Variants in ZNF107 observed in about 807,000 individuals in gnomAD.
ZNF107 encodes the protein C2H2 type zinc-finger protein.
ZNF107 carries 19 observed loss-of-function variants against 12.3 expected under a neutral mutation model. The observed-to-expected ratio is 1.55, with a 90% confidence interval of 1.08 to 2.27. The LOEUF (loss-of-function observed/expected upper bound fraction) is 2.27, where lower values mean the gene tolerates loss of function less well. Among genes scored for constraint, ZNF107 ranks in the 30% most tolerant of loss-of-function variants. The pLI, the probability that ZNF107 is intolerant of heterozygous loss-of-function variation, is 0.00. For synonymous variants in ZNF107, 317 were observed against 330.5 expected, an observed-to-expected ratio of 0.96 and a Z score of 0.44; for missense variants, 958 against 979.9, an observed-to-expected ratio of 0.98 and a Z score of 0.30.
chr7:64,708,675 T>C lies in ZNF107; in HGVS notation c.*19T>C. On this transcript the variant is annotated 3_prime_UTR_variant, in exon 4 of 4. Coordinates refer to ENST00000620827, the MANE Select transcript of ZNF107 (RefSeq NM_001282359.2). The stretch of plus-strand genomic sequence containing the variant: ...AACTTAATTGATCCTACAAGCTTAC[T>C]ACACATAGGAAAATTCATACTGGAG... 7 of 1,576,658 alleles carry C rather than the reference T, an allele frequency of 4.4e-6. No homozygotes were observed. The highest frequency in any genetic ancestry group is 6.0e-6 in the Non-Finnish European group (7 of 1,160,348).
At position 64,691,178 on chromosome 7, in the gene ZNF107, T is replaced by C. The variant is rs1304594935; in HGVS notation, c.4-70T>C. ...TGAACCACAGTACCCGACTATCCTA[T>C]ACATTTTTTTAAAAATTCAATGACA... On this transcript the variant is annotated intron_variant, in intron 1 of 3. Transcript: ENST00000620827. The C allele has an allele frequency of 3.1e-6, 4 of 1,306,992 alleles. No homozygotes were observed. The African/African-American group carries it at 6.2e-5, about 20-fold the overall frequency. The allele number at this position is 1,306,992 out of a possible 1,614,324, so 81.0% of individuals were successfully genotyped here. A position where few individuals can be genotyped will look rare whatever the true frequency, so the allele number is the denominator to read the frequency against.
intron 1 of ZNF107, chr7:64,669,159 G>C (rs993761663): frequency 5.3e-5 from 8 of 151,754 alleles, no homozygotes; most frequent in African/African-American, 1.7e-4. Context: ...GGGATTACAG[G>C]CATGCACCAC....
chr7:64,691,167 C>T (rs1255366914), intron 1 of ZNF107, 81 bp from the exon 2 acceptor site: 14 of 1,236,608 alleles, frequency 1.1e-5, no homozygotes, highest in South Asian at 1.1e-4. Context: ...CCACAGTACC[C>T]GACTATCCTA....
chr7:64,688,915 T>G (rs1790019865), intron 1 of ZNF107, among the ~76,000 whole-genome samples: 1 of 152,174 alleles, frequency 6.6e-6, no homozygotes, highest in Non-Finnish European at 1.5e-5. Context: ...TATTTTTTTG[T>G]AAACAAATGA....
intron 1 of ZNF107, chr7:64,684,762 C>T (rs1789832589): frequency 1.0e-6 from 1 of 976,750 alleles, no homozygotes; most frequent in Non-Finnish European, 1.2e-6. Flanking sequence ...ATAACTTCTT[C>T]CCAGATGAGA....
At chr7:64,690,551 T>A (rs1790081487) in intron 1 of ZNF107, 2 of 980,304 alleles carry the variant, frequency 2.0e-6, no homozygotes, top group African/African-American at 1.8e-5. Flanking sequence ...TCCTAATTTT[T>A]AAAATTTTTT....
In ZNF107 at chr7:64,707,453, C is replaced by T; in HGVS notation, c.1356C>T (p.Ser452=). 5 of 1,612,984 alleles carry T rather than the reference C, an allele frequency of 3.1e-6. No individual in the cohort carries two copies. The highest frequency in any genetic ancestry group is 4.2e-6 in the Non-Finnish European group (5 of 1,179,554). The change falls in exon 4 of 4, where the codon TCC becomes TCT. Residue 452 remains serine (S), a synonymous_variant. Coordinates refer to ENST00000620827, the MANE Select transcript of ZNF107 (RefSeq NM_001282359.2). Reference sequence around the variant, plus strand: ...AGAAAATTCATACTGCAGAGAAATCCTATAAATGTGAAGAATGTGGCAAAG... The same window carrying T: ...AGAAAATTCATACTGCAGAGAAATCTTATAAATGTGAAGAATGTGGCAAAG... ...EHKKIHTAEK[S]YKCEECGKAF...
chr7:64,673,601 T>G (rs1281789124), intron 1 of ZNF107, among the ~76,000 whole-genome samples: 1 of 152,240 alleles, frequency 6.6e-6, no homozygotes, highest in East Asian at 1.9e-4. Flanking sequence ...AGTTTTAGCT[T>G]TTGTTGCATT....
rs150223549 is a variant in ZNF107 at position 64,708,431 on chromosome 7, A to C, written c.2334A>C (p.Thr778=). ...TTAACCAATCCTCAAACCTTACTAC[A>C]CATAAGAAAATTCATACTTCAGAGA... The part of the protein sequence containing the change: ...KAFNQSSNLT[T]HKKIHTSEKP... Residue 778 remains threonine, a synonymous_variant, in exon 4 of 4, where the codon ACA becomes ACC. Transcript: ENST00000620827. 3.3e-4 allele frequency: 528 copies of C among 1,605,230 alleles called. 2 individuals carry two copies. The African/African-American group carries it at 6.1e-3, about 18-fold the overall frequency.
chr7:64,680,152 T>G (rs112729841), intron 1 of ZNF107, among the ~76,000 whole-genome samples: 3,475 of 151,818 alleles, frequency 0.023, 55 homozygotes, highest in Admixed American at 0.037. Context: ...CTAATCCCCC[T>G]CCTCCCACCC....
At chr7:64,690,369 A>G in intron 1 of ZNF107, 1 of 985,422 alleles carries the variant, frequency 1.0e-6, no homozygotes, top group Non-Finnish European at 1.2e-6. Flanking sequence ...AGTTCTGTTC[A>G]GATTCACCCT....
intron 1 of ZNF107, chr7:64,689,961 A>G (rs539206956): frequency 6.6e-6 from 1 of 152,324 alleles, no homozygotes; most frequent in Admixed American, 6.5e-5. Context: ...AAGCAGATAA[A>G]CTAATTGCTA....
In ZNF107 at chr7:64,707,115, C is replaced by T; in HGVS notation, c.1018C>T (p.Pro340Ser). 6.2e-7 allele frequency: 1 copy of T among 1,613,050 alleles called. No individual in the cohort carries two copies. Among genetic ancestry groups the T allele is most frequent in the Non-Finnish European group, 8.5e-7 (1 of 1,179,654 alleles). Residue 340 changes from proline (P) to serine (S), a missense_variant, in exon 4 of 4, where the codon CCC becomes TCC. Pro to Ser is a moderately conservative substitution (Grantham distance 74, BLOSUM62 -1). Transcript: ENST00000620827. ...TAAGAGAATTCATGCTGGGGAGAAA[C>T]CCTACAAATGTAAAGAATGTGGCAG... Reference protein sequence around the residue: ...NHKRIHAGEKPYKCKECGRAF... With the variant: ...NHKRIHAGEKSYKCKECGRAF...
rs1291836655 is a variant in ZNF107, at chr7:64,685,991, A to G, written c.4-5257A>G. On this transcript the variant is annotated intron_variant, in intron 1 of 3. Coordinates refer to ENST00000620827, the MANE Select transcript of ZNF107 (RefSeq NM_001282359.2). ...TTGTCCCCTTCCCTGTCCTACTATCATACACTCTCAAAGGATCTCTCAGAC... is the reference window on the plus strand; with the variant it reads ...TTGTCCCCTTCCCTGTCCTACTATCGTACACTCTCAAAGGATCTCTCAGAC... 3.9e-5 allele frequency among the ~76,000 whole-genome samples: 6 copies of G among 152,000 alleles called. 1 individual carries two copies. Among genetic ancestry groups the G allele is most frequent in the African/African-American group, 1.4e-4 (6 of 41,390 alleles).
At chr7:64,686,606 T>C (rs1455692270) in intron 1 of ZNF107, 63 of 985,336 alleles carry the variant, frequency 6.4e-5, no homozygotes, top group Non-Finnish European at 7.6e-5. Context: ...CAGGCCATTA[T>C]TGACGGTGGG....
intron 1 of ZNF107, among the ~76,000 whole-genome samples, chr7:64,688,006 T>C (rs1318888913): frequency 6.6e-6 from 1 of 152,240 alleles, no homozygotes; most frequent in Non-Finnish European, 1.5e-5. Context: ...GCAAAATGCA[T>C]GCTGTCCCCT....
At chr7:64,703,539 C>T (rs1171766971) in intron 3 of ZNF107, among the ~76,000 whole-genome samples, 4 of 152,160 alleles carry the variant, frequency 2.6e-5, no homozygotes, top group Non-Finnish European at 5.9e-5. Flanking sequence ...AAGCAATTCT[C>T]CTATCTTAGC....
Position 64,708,680 on chromosome 7 carries a change from A to T in ZNF107, c.*24A>T. The T allele has an allele frequency of 6.4e-7, 1 of 1,573,098 alleles. No homozygotes were observed. The highest frequency in any genetic ancestry group is 8.6e-7 in the Non-Finnish European group (1 of 1,158,144). On this transcript the variant is annotated 3_prime_UTR_variant, in exon 4 of 4. Coordinates refer to ENST00000620827, the MANE Select transcript of ZNF107 (RefSeq NM_001282359.2). ...AATTGATCCTACAAGCTTACTACAC[A>T]TAGGAAAATTCATACTGGAGAGAAA...
chr7:64,682,540 C>T (rs567131450), intron 1 of ZNF107, among the ~76,000 whole-genome samples: 11 of 152,294 alleles, frequency 7.2e-5, no homozygotes, highest in South Asian at 2.1e-4. Flanking sequence ...CCCAGCCCTT[C>T]TCTCTACATG....
Sources: gnomAD v4.1 joint callset for allele counts (sites outside exome capture counted in the v4.1 genomes callset) on GRCh38, gnomAD v4.1.1 for gene constraint, MANE v1.5 for transcripts, NCBI Gene and HGNC (gene_info 2026-07-23, HGNC 2026-07-21) for gene names.